The following SLC35F3 variants were observed in gnomAD, a reference collection of about 807,000 sequenced individuals.
The protein encoded by SLC35F3 is solute carrier family 35 member F3.
In SLC35F3, 25 loss-of-function variants were observed where a neutral mutation model predicts 49.9. The ratio of observed to expected loss-of-function variants is 0.50; its 90% confidence interval spans 0.37 to 0.70. The LOEUF (loss-of-function observed/expected upper bound fraction) is 0.70, where lower values mean the gene tolerates loss of function less well. SLC35F3 is among the 30% of genes least tolerant of loss of function. The probability of loss-of-function intolerance (pLI) is 0.00; values close to 1 mark genes in which losing one functional copy is unlikely to be tolerated. For missense variants in SLC35F3, 525 were observed against 639.8 expected (o/e 0.82, Z 1.94); for synonymous variants, 275 against 265.4 (o/e 1.04, Z -0.35).
chr1:234,231,368 A>G lies in SLC35F3; in HGVS notation c.284-49A>G, dbSNP rs932427653. On this transcript the variant is annotated intron_variant, in intron 2 of 7. Coordinates refer to ENST00000366618, the MANE Select transcript of SLC35F3 (RefSeq NM_173508.4). This position sits in a 1 kb window ranked among gnomAD's most constrained non-coding sequence, Gnocchi z 5.4. ...TGCAGGGCAGCGCCCTGCGAAGTGC[A>G]GGGGTGAAGGTCTGCAGGCCCCGCT... The G allele has an allele frequency of 8.6e-6, 12 of 1,394,556 alleles. No individual in the cohort carries two copies. The Admixed American group carries it at 1.9e-4, about 22-fold the overall frequency. 86.4% of individuals were successfully genotyped at this position (1,394,556 alleles called of 1,614,324 possible). A position where few individuals can be genotyped will look rare whatever the true frequency, so the allele number is the denominator to read the frequency against.
chr1:234,169,383 C>T (rs1406805008), intron 2 of SLC35F3, among the ~76,000 whole-genome samples: 5 of 152,270 alleles, frequency 3.3e-5, no homozygotes, highest in Middle Eastern at 6.8e-3. Context: ...TGAGGAGGTC[C>T]GGGTCCTCAC....
At chr1:234,069,899 G>T (rs917940976) in intron 2 of SLC35F3, among the ~76,000 whole-genome samples, 6 of 152,202 alleles carry the variant, frequency 3.9e-5, no homozygotes, top group Admixed American at 3.3e-4. Flanking sequence ...CATTCTGGCT[G>T]CCAGCTTCTG....
chr1:234,028,676 A>G (rs1484480421), intron 2 of SLC35F3, among the ~76,000 whole-genome samples: 2 of 152,224 alleles, frequency 1.3e-5, no homozygotes, highest in Admixed American at 1.3e-4. Context: ...ACAGAGCAAG[A>G]GAGACTCTCT....
chr1:233,987,718 T>C (rs1198215173), intron 2 of SLC35F3, among the ~76,000 whole-genome samples: 1 of 152,180 alleles, frequency 6.6e-6, no homozygotes, highest in Non-Finnish European at 1.5e-5. Context: ...CCCTCCCATT[T>C]TCCCTCTTCT....
chr1:234,051,067 A>G (rs1274840464), intron 2 of SLC35F3, among the ~76,000 whole-genome samples: 1 of 152,182 alleles, frequency 6.6e-6, no homozygotes, highest in Non-Finnish European at 1.5e-5. Flanking sequence ...GAAGTCAGGT[A>G]GCGTGATGCC....
At chr1:234,112,760 T>C (rs1444406295) in intron 2 of SLC35F3, among the ~76,000 whole-genome samples, 1 of 137,182 alleles carries the variant, frequency 7.3e-6, no homozygotes, top group Non-Finnish European at 1.6e-5. Flanking sequence ...GCATTTTTAG[T>C]AGAGACAGGG....
intron 2 of SLC35F3, among the ~76,000 whole-genome samples, chr1:234,093,311 A>C (rs1558227331): frequency 1.3e-5 from 2 of 152,206 alleles, no homozygotes; most frequent in Non-Finnish European, 2.9e-5. Flanking sequence ...AACTTTTCTG[A>C]CATATTCCCA....
At chr1:234,249,354 G>C (rs1667699918) in intron 3 of SLC35F3, among the ~76,000 whole-genome samples, 1 of 152,182 alleles carries the variant, frequency 6.6e-6, no homozygotes, top group Non-Finnish European at 1.5e-5. Flanking sequence ...TAGTGAGAAA[G>C]AGGAATTCTT....
At chr1:234,049,637 T>G (rs1664345739) in intron 2 of SLC35F3, among the ~76,000 whole-genome samples, 1 of 152,084 alleles carries the variant, frequency 6.6e-6, no homozygotes, top group South Asian at 2.1e-4. Flanking sequence ...TTTGTTTGTT[T>G]GTTTGTTTGT....
chr1:234,155,249 T>C (rs1322563087), intron 2 of SLC35F3, among the ~76,000 whole-genome samples: 1 of 152,186 alleles, frequency 6.6e-6, no homozygotes, highest in Non-Finnish European at 1.5e-5. Flanking sequence ...TTTCATTGTT[T>C]TAAGACAATT....
chr1:234,256,223 A>G (rs1258505494), intron 3 of SLC35F3, among the ~76,000 whole-genome samples: 1 of 152,264 alleles, frequency 6.6e-6, no homozygotes, highest in Non-Finnish European at 1.5e-5. Flanking sequence ...CAATGCAATG[A>G]TGAATTATTA....
intron 2 of SLC35F3, among the ~76,000 whole-genome samples, chr1:234,109,545 T>G (rs193187070): frequency 2.7e-4 from 41 of 152,342 alleles, no homozygotes; most frequent in African/African-American, 7.7e-4. Flanking sequence ...TTGACTTCCT[T>G]CTTACACATT....
chr1:234,171,588 T>C (rs1313619035), intron 2 of SLC35F3, among the ~76,000 whole-genome samples: 2 of 152,166 alleles, frequency 1.3e-5, no homozygotes, highest in Non-Finnish European at 2.9e-5. Flanking sequence ...TAAATTAAAC[T>C]AGTGCCCCAA....
At chr1:234,300,335 G>A (rs1270446850) in intron 3 of SLC35F3, among the ~76,000 whole-genome samples, 1 of 152,224 alleles carries the variant, frequency 6.6e-6, no homozygotes, top group African/African-American at 2.4e-5. Flanking sequence ...GTATGATTAA[G>A]TATGTCTGGG....
At chr1:234,315,008 C>T (rs1657451908) in intron 4 of SLC35F3, among the ~76,000 whole-genome samples, 1 of 152,110 alleles carries the variant, frequency 6.6e-6, no homozygotes, top group African/African-American at 2.4e-5. Context: ...GGAAAAATTC[C>T]CTTATGGTCT....
At chr1:233,978,191 AC>A (rs1232924960) in intron 2 of SLC35F3, among the ~76,000 whole-genome samples, 3 of 152,154 alleles carry the variant, frequency 2.0e-5, no homozygotes, top group Non-Finnish European at 4.4e-5. Flanking sequence ...GTAAAGGGAG[AC>A]AGGACAGAGC....
At chr1:234,228,497 C>T (rs1450507884) in intron 2 of SLC35F3, among the ~76,000 whole-genome samples, 1 of 152,208 alleles carries the variant, frequency 6.6e-6, no homozygotes, top group African/African-American at 2.4e-5. Flanking sequence ...TTATAGACCA[C>T]CCAAAGCTCT....
intron 2 of SLC35F3, among the ~76,000 whole-genome samples, chr1:233,963,090 C>T (rs984750861): frequency 6.6e-5 from 10 of 152,162 alleles, no homozygotes; most frequent in African/African-American, 2.4e-4. Flanking sequence ...CTCATTCCAG[C>T]CCTCGGTAGC....
At chr1:234,041,097 T>C (rs1258971295) in intron 2 of SLC35F3, among the ~76,000 whole-genome samples, 1 of 152,192 alleles carries the variant, frequency 6.6e-6, no homozygotes, top group African/African-American at 2.4e-5. Context: ...ATCTCCTTCT[T>C]TGGTAATGAT....
Sources: gnomAD v4.1 joint callset for allele counts (sites outside exome capture counted in the v4.1 genomes callset) on GRCh38, gnomAD v4.1.1 for gene constraint, Gnocchi (gnomAD v3.1) non-coding constraint, MANE v1.5 for transcripts, NCBI Gene and HGNC (gene_info 2026-07-23, HGNC 2026-07-21) for gene names.